PREP: variants seen among roughly 807,000 people sequenced by gnomAD.
PREP encodes the protein prolyl endopeptidase.
PREP carries 29 observed loss-of-function variants against 87.6 expected under a neutral mutation model. The ratio of observed to expected loss-of-function variants is 0.33; its 90% CI spans 0.25 to 0.45. The LOEUF is 0.45. PREP is among the 20% of genes least tolerant of loss of function. The pLI is 1.00. For synonymous variants in PREP, 337 were observed against 328.6 expected, an observed-to-expected ratio of 1.03 and a Z score of -0.28; for missense variants, 695 against 886.5, an observed-to-expected ratio of 0.78 and a Z score of 2.74.
intron 10 of PREP, 35 bp from the exon 11 acceptor site, chr6:105,288,929 A>G: frequency 6.3e-7 from 1 of 1,588,344 alleles, no homozygotes; most frequent in Non-Finnish European, 8.6e-7. Context: ...AAGATTTAGC[A>G]TTACTTAGTA....
intron 2 of PREP, among the ~76,000 whole-genome samples, chr6:105,391,042 C>CACACAA (rs1456909711): frequency 2.0e-5 from 3 of 149,308 alleles, no homozygotes; most frequent in African/African-American, 7.4e-5. Flanking sequence ...TATACACACA[C>CACACAA]ACACACACAC....
rs76510172 is a variant in PREP, at chr6:105,351,505, G to A, written c.823+1467C>T. On this transcript the variant is annotated intron_variant, in intron 7 of 14. Transcript: ENST00000652536. ...GGGTTGCAGGGGAAAGATAAGGACCGAGAGGTTGGGGGAAAACAAAGAGGG... is the reference window on the plus strand; with the variant it reads ...GGGTTGCAGGGGAAAGATAAGGACCAAGAGGTTGGGGGAAAACAAAGAGGG... 2.1e-3 allele frequency among the ~76,000 whole-genome samples: 323 copies of A among 152,262 alleles called. 2 individuals carry two copies. The highest frequency in any genetic ancestry group is 7.2e-3 in the African/African-American group (298 of 41,566).
Position 105,329,018 on chromosome 6 carries a change from C to A in PREP, c.1024G>T (p.Ala342Ser), listed in dbSNP as rs1458009472. ...EHEKDVLEWI[A>S]CVRSNFLVLC... ...ACCAAGAAGTTGGACCTGACACAAG[C>A]TATCCATTCTGAAAGGATAAGAAGA... is the stretch of plus-strand genomic sequence containing the variant. The change falls in exon 9 of 15, where the codon GCT becomes TCT. Residue 342 changes from alanine to serine, a missense_variant. Transcript: ENST00000652536. The A allele has an allele frequency of 6.2e-7, 1 of 1,613,286 alleles. No individual in the cohort carries two copies. The highest frequency in any genetic ancestry group is 8.5e-7 in the Non-Finnish European group (1 of 1,179,262).
intron 2 of PREP, among the ~76,000 whole-genome samples, chr6:105,393,936 C>A (rs1394350561): frequency 1.6e-5 from 2 of 123,006 alleles, no homozygotes; most frequent in Admixed American, 7.4e-5. Context: ...TTTTTTTTTT[C>A]AAACTAAGTG....
At chr6:105,342,161 C>A (rs561156713) in intron 7 of PREP, among the ~76,000 whole-genome samples, 2 of 152,326 alleles carry the variant, frequency 1.3e-5, no homozygotes, top group Admixed American at 6.5e-5. Context: ...CCGAATCCAG[C>A]AGCACATCAA....
At chr6:105,304,348 T>C (rs1247096761) in intron 10 of PREP, among the ~76,000 whole-genome samples, 1 of 152,220 alleles carries the variant, frequency 6.6e-6, no homozygotes, top group Non-Finnish European at 1.5e-5. Context: ...ACCAATCCCC[T>C]GTGGAATGTA....
At chr6:105,386,819 T>A (rs1362360897) in intron 2 of PREP, among the ~76,000 whole-genome samples, 2 of 152,320 alleles carry the variant, frequency 1.3e-5, no homozygotes, top group Non-Finnish European at 2.9e-5. Context: ...GCATTTGTAT[T>A]TTTAACAAGT....
chr6:105,279,922 T>G (rs976069732), intron 14 of PREP, among the ~76,000 whole-genome samples: 1 of 152,256 alleles, frequency 6.6e-6, no homozygotes, highest in Non-Finnish European at 1.5e-5. Context: ...AAATTTTCTC[T>G]AAGTTAGATA....
Position 105,373,442 on chromosome 6 carries a change from G to A in PREP, c.522C>T (p.Ser174=). The A allele has an allele frequency of 6.2e-7, 1 of 1,614,198 alleles. No individual in the cohort carries two copies. Among genetic ancestry groups the A allele is most frequent in the Non-Finnish European group, 8.5e-7 (1 of 1,180,038 alleles). ...LPDVLERVKF[S]CMAWTHDGKG... ...TCCCATCATGGGTCCAGGCCATACA[G>A]CTGAACTTGACTCTTTCAAGCACAT... Residue 174 remains serine, a synonymous_variant, in exon 5 of 15, where the codon AGC becomes AGT. Transcript: ENST00000652536.
intron 14 of PREP, chr6:105,281,163 AACCT>A: frequency 6.6e-6 from 1 of 152,046 alleles, no homozygotes; most frequent in African/African-American, 2.4e-5. Context: ...CTCTGGAAAA[AACCT>A]ACTTGCAGTC....
chr6:105,358,191 T>C (rs1772152755), intron 6 of PREP, among the ~76,000 whole-genome samples: 1 of 152,066 alleles, frequency 6.6e-6, no homozygotes, highest in Non-Finnish European at 1.5e-5. Context: ...AAATAAAACA[T>C]TAACAAAAAC....
intron 2 of PREP, among the ~76,000 whole-genome samples, chr6:105,388,084 C>T (rs931159652): frequency 6.6e-6 from 1 of 152,156 alleles, no homozygotes; most frequent in African/African-American, 2.4e-5. Flanking sequence ...AGCATCCATG[C>T]TCCCTCCGTA....
chr6:105,314,850 C>T (rs1292523535), intron 10 of PREP, among the ~76,000 whole-genome samples: 6 of 152,136 alleles, frequency 3.9e-5, no homozygotes, highest in Non-Finnish European at 8.8e-5. Flanking sequence ...TGCCCAGATC[C>T]ATCCATTTGT....
intron 12 of PREP, among the ~76,000 whole-genome samples, chr6:105,283,193 G>A (rs949699254): frequency 6.6e-5 from 10 of 152,216 alleles, no homozygotes; most frequent in Admixed American, 5.2e-4. Flanking sequence ...GTAGCGTTGC[G>A]GCAGAGCATC....
At chr6:105,380,603 T>C (rs530965910) in intron 2 of PREP, among the ~76,000 whole-genome samples, 85 of 152,188 alleles carry the variant, frequency 5.6e-4, no homozygotes, top group African/African-American at 1.9e-3. Flanking sequence ...ACAACCATTA[T>C]AATGGGAGTG....
At chr6:105,338,464 T>G (rs1052504337) in intron 7 of PREP, among the ~76,000 whole-genome samples, 3 of 152,148 alleles carry the variant, frequency 2.0e-5, no homozygotes, top group African/African-American at 4.8e-5. Context: ...AATCTACAGC[T>G]CCCAGTGTGA....
intron 8 of PREP, 95 bp from the exon 9 acceptor site, chr6:105,329,121 T>C: frequency 8.7e-7 from 1 of 1,153,894 alleles, no homozygotes; most frequent in Non-Finnish European, 1.2e-6. Flanking sequence ...CACATAGGGC[T>C]ATGCAGCAAT....
In PREP at chr6:105,276,686, A is replaced by G. The variant is rs1769938655; in HGVS notation, c.*1458T>C. ...ATACTCAATGACAACTGTATTATGT[A>G]CCGTACTAAATAGTAACGGAAAACA... On this transcript the variant is annotated 3_prime_UTR_variant, in exon 15 of 15. Transcript: ENST00000652536. Among the ~76,000 whole-genome samples, 1 of 152,246 alleles carries G rather than the reference A, an allele frequency of 6.6e-6. No homozygotes were observed. The highest frequency in any genetic ancestry group is 1.5e-5 in the Non-Finnish European group (1 of 68,036).
At chr6:105,374,901 T>A (rs1772649682) in intron 4 of PREP, among the ~76,000 whole-genome samples, 1 of 151,930 alleles carries the variant, frequency 6.6e-6, no homozygotes, top group South Asian at 2.1e-4. Flanking sequence ...TAGCAAACAT[T>A]CCATAAAGAA....
Sources: allele counts gnomAD v4.1 joint callset (sites outside exome capture counted in the v4.1 genomes callset), GRCh38; gene constraint gnomAD v4.1.1; transcripts MANE v1.5; gene names NCBI Gene and HGNC (gene_info 2026-07-23, HGNC 2026-07-21).